WSCD2: variants seen among roughly 807,000 people sequenced by gnomAD.
WSCD2 encodes WSC domain sialate O sulfotransferase 2.
In WSCD2, 28 loss-of-function variants were observed where a neutral mutation model predicts 55.7. That is an observed-to-expected ratio of 0.50 (90% confidence interval 0.37 to 0.69). The LOEUF (loss-of-function observed/expected upper bound fraction) is 0.69, where lower values mean the gene tolerates loss of function less well. Among genes scored for constraint, WSCD2 ranks in the 30% least tolerant of loss-of-function variants. The pLI is 0.00. For missense variants in WSCD2, 616 were observed against 762.1 expected, an observed-to-expected ratio of 0.81 and a Z score of 2.26; for synonymous variants, 301 against 301.9, an observed-to-expected ratio of 1.00 and a Z score of 0.03.
At chr12:108,146,530 T>C (rs915859800) in intron 1 of WSCD2, among the ~76,000 whole-genome samples, 63 of 152,316 alleles carry the variant, frequency 4.1e-4, no homozygotes, top group African/African-American at 1.4e-3. Flanking sequence ...AAAAGAAAAC[T>C]AAAACCTGGG....
chr12:108,245,041 CAT>C (rs1386060205), intron 8 of WSCD2, among the ~76,000 whole-genome samples: 1 of 152,164 alleles, frequency 6.6e-6, no homozygotes, highest in Non-Finnish European at 1.5e-5. Context: ...CTGCACTAAA[CAT>C]GTGTGCAGGT....
At chr12:108,206,892 G>A (rs1885455377) in intron 3 of WSCD2, among the ~76,000 whole-genome samples, 1 of 152,256 alleles carries the variant, frequency 6.6e-6, no homozygotes, top group South Asian at 2.1e-4. Flanking sequence ...TGCACCATTA[G>A]ATGTGCATGT....
intron 6 of WSCD2, among the ~76,000 whole-genome samples, chr12:108,228,134 C>A (rs76985817): frequency 0.012 from 1,862 of 152,256 alleles, 41 homozygotes; most frequent in African/African-American, 0.043. Flanking sequence ...CCCAATAAAA[C>A]CCGTTTCTCC....
chr12:108,231,308 C>T (rs58956288), intron 6 of WSCD2, among the ~76,000 whole-genome samples: 23,263 of 152,166 alleles, frequency 0.15, 1,870 homozygotes, highest in Middle Eastern at 0.17. Context: ...TCTGCTCCAG[C>T]GCCCCCTGCT....
At chr12:108,186,584 A>G (rs1472076693) in intron 1 of WSCD2, among the ~76,000 whole-genome samples, 1 of 152,196 alleles carries the variant, frequency 6.6e-6, no homozygotes, top group Non-Finnish European at 1.5e-5. Flanking sequence ...CCAGAATATC[A>G]TATCATTGGA....
intron 2 of WSCD2, among the ~76,000 whole-genome samples, chr12:108,203,922 C>G (rs1885013171): frequency 6.6e-6 from 1 of 152,180 alleles, no homozygotes; most frequent in South Asian, 2.1e-4. Context: ...AAGTGAGATG[C>G]TACAAGCTGT....
chr12:108,146,923 G>A (rs1565916356), intron 1 of WSCD2, among the ~76,000 whole-genome samples: 1 of 152,188 alleles, frequency 6.6e-6, no homozygotes. Context: ...CATTAACAAT[G>A]AACTTCATCC....
intron 1 of WSCD2, among the ~76,000 whole-genome samples, chr12:108,145,598 C>G (rs934089145): frequency 6.6e-6 from 1 of 152,168 alleles, no homozygotes; most frequent in Non-Finnish European, 1.5e-5. Context: ...TTTATTTAGG[C>G]AGCACAATAC....
chr12:108,206,435 T>G (rs1459925757), intron 3 of WSCD2, 32 bp downstream of exon 3: 1 of 1,601,894 alleles, frequency 6.2e-7, no homozygotes, highest in Non-Finnish European at 8.6e-7. Flanking sequence ...CTTGTCCATT[T>G]CAGGCCCTTC....
chr12:108,208,869 C>T (rs1431759241), intron 3 of WSCD2, among the ~76,000 whole-genome samples: 1 of 152,246 alleles, frequency 6.6e-6, no homozygotes, highest in Non-Finnish European at 1.5e-5. Context: ...CACAGGGTCA[C>T]TGCCCTCCTG....
Position 108,248,266 on chromosome 12 carries a change from G to A in WSCD2, c.1621G>A (p.Ala541Thr), listed in dbSNP as rs761748948. 6.2e-7 allele frequency: 1 copy of A among 1,614,224 alleles called. No homozygotes were observed. The highest frequency in any genetic ancestry group is 8.5e-7 in the Non-Finnish European group (1 of 1,180,044). ...TGCGGACATGCAGAAGACCATCTCTGCCTACATCAAGATGGTGGATGCAGC... is the reference window on the plus strand; with the variant it reads ...TGCGGACATGCAGAAGACCATCTCTACCTACATCAAGATGGTGGATGCAGC... ...YTADMQKTIS[A>T]YIKMVDAALK... The change falls in exon 9 of 9, where the codon GCC becomes ACC. Residue 541 changes from alanine to threonine, a missense_variant. Physicochemically the swap from Ala to Thr is moderately conservative, Grantham distance 58. Transcript: ENST00000547525. The surrounding 1 kb of genome is among the most constrained non-coding windows in gnomAD (Gnocchi z 4.3).
At chr12:108,221,774 G>C (rs1434258101) in intron 4 of WSCD2, among the ~76,000 whole-genome samples, 1 of 152,194 alleles carries the variant, frequency 6.6e-6, no homozygotes, top group Non-Finnish European at 1.5e-5. Flanking sequence ...TAGTAGGCAT[G>C]AGAGTTACTG....
intron 1 of WSCD2, among the ~76,000 whole-genome samples, chr12:108,185,268 G>A (rs750023108): frequency 1.2e-4 from 18 of 152,262 alleles, no homozygotes; most frequent in Admixed American, 2.6e-4. Context: ...TGTCCTCAAT[G>A]TATTATTTAG....
chr12:108,204,551 G>A (rs868317124), intron 2 of WSCD2, among the ~76,000 whole-genome samples: 49 of 152,230 alleles, frequency 3.2e-4, no homozygotes, highest in African/African-American at 1.1e-3. Context: ...CGTGCCCCAA[G>A]TCAAGGGCTG....
At chr12:108,240,290 G>C (rs1889621865) in intron 7 of WSCD2, 54 bp from the exon 8 acceptor site, 1 of 1,602,504 alleles carries the variant, frequency 6.2e-7, no homozygotes, top group Admixed American at 1.7e-5. Flanking sequence ...AGTGGGGTGG[G>C]CTTCTTGCTT....
intron 4 of WSCD2, among the ~76,000 whole-genome samples, chr12:108,221,574 A>G (rs893307342): frequency 6.6e-6 from 1 of 152,130 alleles, no homozygotes; most frequent in Non-Finnish European, 1.5e-5. Flanking sequence ...CCCAGGCCAC[A>G]AGATGGAAGA....
intron 1 of WSCD2, among the ~76,000 whole-genome samples, chr12:108,134,953 T>C (rs1876017593): frequency 6.6e-6 from 1 of 152,192 alleles, no homozygotes; most frequent in African/African-American, 2.4e-5. Context: ...TTAACCATGA[T>C]GTCATATTGC....
intron 7 of WSCD2, among the ~76,000 whole-genome samples, chr12:108,235,719 T>A (rs1889202368): frequency 6.6e-6 from 1 of 152,166 alleles, no homozygotes; most frequent in Non-Finnish European, 1.5e-5. Flanking sequence ...GATGTTTCCT[T>A]CATTCGTACT....
intron 2 of WSCD2, among the ~76,000 whole-genome samples, chr12:108,201,519 T>TGGGGGGGGGGGGG (rs34937873): frequency 7.8e-6 from 1 of 127,968 alleles, no homozygotes; most frequent in Non-Finnish European, 1.6e-5. Flanking sequence ...GGGGTGTGGG[T>TGGGGGGGGGGGGG]GGGGGGCGGG....
Sources: gnomAD v4.1 joint callset for allele counts (sites outside exome capture counted in the v4.1 genomes callset) on GRCh38, gnomAD v4.1.1 for gene constraint, Gnocchi (gnomAD v3.1) non-coding constraint, MANE v1.5 for transcripts, NCBI Gene and HGNC (gene_info 2026-07-23, HGNC 2026-07-21) for gene names.